The following DHRSX variants were observed in gnomAD, a reference collection of about 807,000 sequenced individuals.
The protein encoded by DHRSX is dehydrogenase/reductase X-linked.
In DHRSX, 31 loss-of-function variants were observed where a neutral mutation model predicts 34.0. The ratio of observed to expected loss-of-function variants is 0.91; its 90% CI spans 0.69 to 1.23. DHRSX has a LOEUF of 1.23. Ranked by LOEUF, DHRSX falls within the 50% of genes most tolerant of loss-of-function variation. DHRSX has a pLI of 0.00. For synonymous variants in DHRSX, 201 were observed against 183.8 expected (o/e 1.09, Z -0.76); for missense variants, 414 against 428.1 (o/e 0.97, Z 0.29).
chrX:2,432,771 G>A (rs960414168), intron 1 of DHRSX, among the ~76,000 whole-genome samples: 1 of 152,248 alleles, frequency 6.6e-6, no homozygotes, highest in Non-Finnish European at 1.5e-5. Context: ...GAAAGAAAAT[G>A]CTTCCTAAAC....
chrX:2,259,315 T>A (rs1172226717), intron 5 of DHRSX, among the ~76,000 whole-genome samples: 1 of 146,760 alleles, frequency 6.8e-6, no homozygotes, highest in Non-Finnish European at 1.5e-5. Flanking sequence ...TAGATATAGA[T>A]ATATAGATAG....
intron 1 of DHRSX, among the ~76,000 whole-genome samples, chrX:2,461,941 G>T (rs1466677242): frequency 6.6e-6 from 1 of 152,088 alleles, no homozygotes; most frequent in African/African-American, 2.4e-5. Flanking sequence ...ACCGGCCTCG[G>T]CCTCCCAAAG....
At chrX:2,441,839 G>A (rs2044066313) in intron 1 of DHRSX, among the ~76,000 whole-genome samples, 1 of 152,186 alleles carries the variant, frequency 6.6e-6, no homozygotes, top group African/African-American at 2.4e-5. Context: ...TTGGGAGGCT[G>A]AGGCAGGTGG....
chrX:2,500,800 T>A lies in DHRSX; in HGVS notation c.109+17A>T, dbSNP rs1371260944. On this transcript the variant is annotated intron_variant, in intron 1 of 6. Coordinates refer to ENST00000334651, the MANE Select transcript of DHRSX (RefSeq NM_145177.3). ...CCCGGGTCCCCGGAGCCCTGACCCC[T>A]GCCCCGCCCCGCTGACCTGGCTCCA... The A allele has an allele frequency of 2.2e-6, 2 of 897,624 alleles. No individual in the cohort carries two copies. The highest frequency in any genetic ancestry group is 2.6e-6 in the Non-Finnish European group (2 of 772,386). 55.6% of individuals were successfully genotyped at this position (897,624 alleles called of 1,614,324 possible). A position where few individuals can be genotyped will look rare whatever the true frequency, so the allele number is the denominator to read the frequency against.
intron 1 of DHRSX, among the ~76,000 whole-genome samples, chrX:2,439,148 CA>C (rs781530860): frequency 1.9e-3 from 200 of 103,944 alleles, no homozygotes; most frequent in Admixed American, 1.9e-3. Flanking sequence ...TTTTTTGTCT[CA>C]AAAAAAAAAA....
chrX:2,500,972 T>C lies in DHRSX; in HGVS notation c.-47A>G. On this transcript the variant is annotated 5_prime_UTR_variant, in exon 1 of 7. Coordinates refer to ENST00000334651, the MANE Select transcript of DHRSX (RefSeq NM_145177.3). ...GCCGCTTCCGCGCCGCCCGCGGGAC[T>C]CTGCGCCCGCCCGCCCGGACGGACG... is the stretch of plus-strand genomic sequence containing the variant. 1 of 961,358 alleles carries C rather than the reference T, an allele frequency of 1.0e-6. No individual in the cohort carries two copies. Among genetic ancestry groups the C allele is most frequent in the Non-Finnish European group, 1.2e-6 (1 of 802,890 alleles). The allele number at this position is 961,358 out of a possible 1,614,324, so 59.6% of individuals were successfully genotyped here.
Position 2,468,265 on chromosome X carries a change from G to A in DHRSX, c.109+32552C>T, listed in dbSNP as rs762255327. On this transcript the variant is annotated intron_variant, in intron 1 of 6. Coordinates refer to ENST00000334651, the MANE Select transcript of DHRSX (RefSeq NM_145177.3). ...GATTCAGACCATTTCTTGGTAGCAA[G>A]GGTGTAGGGGAAGAAGGATGTGGAC... 2.6e-5 allele frequency among the ~76,000 whole-genome samples: 4 copies of A among 152,262 alleles called. No individual in the cohort carries two copies. In the East Asian group the frequency reaches 7.7e-4, roughly 29 times the overall value.
In DHRSX at chrX:2,291,493, A is replaced by C. The variant is rs1378520279; in HGVS notation, c.388+9T>G. On this transcript the variant is annotated intron_variant, in intron 4 of 6. Coordinates refer to ENST00000334651, the MANE Select transcript of DHRSX (RefSeq NM_145177.3). ...ACCCCTGGCTTGCTGCAATTTCACC[A>C]GGACTCACCATTGTTGATCAGGACA... 4 of 1,609,200 alleles carry C rather than the reference A, an allele frequency of 2.5e-6. No individual in the cohort carries two copies.
chrX:2,276,497 C>T (rs775457277), intron 4 of DHRSX, among the ~76,000 whole-genome samples: 74 of 152,278 alleles, frequency 4.9e-4, no homozygotes, highest in Non-Finnish European at 9.3e-4. Context: ...GTAAAATTAT[C>T]GTCCATTGAT....
At chrX:2,334,997 T>C (rs2042536398) in intron 3 of DHRSX, 2 of 151,732 alleles carry the variant, frequency 1.3e-5, no homozygotes, top group Non-Finnish European at 2.9e-5. Flanking sequence ...CTGGCCAACA[T>C]GGTGAAACTC....
intron 6 of DHRSX, among the ~76,000 whole-genome samples, chrX:2,238,607 G>A (rs2016070057): frequency 6.6e-6 from 1 of 150,452 alleles, no homozygotes; most frequent in Non-Finnish European, 1.5e-5. Context: ...TTTTGAGACG[G>A]AGTTTCACTC....
chrX:2,269,253 G>A (rs2041516834), intron 4 of DHRSX, among the ~76,000 whole-genome samples: 1 of 152,058 alleles, frequency 6.6e-6, no homozygotes, highest in South Asian at 2.1e-4. Flanking sequence ...GTATTAGTGT[G>A]TATGTATTTT....
intron 1 of DHRSX, chrX:2,490,840 G>A (rs2045118071): frequency 7.2e-7 from 1 of 1,390,390 alleles, no homozygotes; most frequent in South Asian, 1.4e-5. Flanking sequence ...CTGCCGGGGA[G>A]ACAGACAGGG....
At chrX:2,489,780 G>A (rs757629298) in intron 1 of DHRSX, 9 of 1,613,372 alleles carry the variant, frequency 5.6e-6, no homozygotes, top group East Asian at 2.2e-5. Context: ...TTGCGGCAGC[G>A]CGACAGCAGC....
chrX:2,366,065 C>CAAACCCTTCTCT (rs2042991328), intron 3 of DHRSX, among the ~76,000 whole-genome samples: 1 of 152,188 alleles, frequency 6.6e-6, no homozygotes, highest in Non-Finnish European at 1.5e-5. Context: ...CAATTTATCA[C>CAAACCCTTCTCT]AAACCCTTCT....
chrX:2,236,354 G>C (rs1156260217), intron 6 of DHRSX, among the ~76,000 whole-genome samples: 1 of 152,158 alleles, frequency 6.6e-6, no homozygotes, highest in Admixed American at 6.6e-5. Context: ...CGTGGAGGAG[G>C]AAACAGCCAG....
intron 3 of DHRSX, among the ~76,000 whole-genome samples, chrX:2,312,330 C>T (rs1286200448): frequency 1.3e-5 from 2 of 152,026 alleles, no homozygotes; most frequent in Admixed American, 6.6e-5. Context: ...CAGGGATGTT[C>T]GCTTCCCTAG....
intron 1 of DHRSX, among the ~76,000 whole-genome samples, chrX:2,470,413 AAC>A (rs2044571399): frequency 1.4e-5 from 2 of 147,696 alleles, no homozygotes; most frequent in Non-Finnish European, 1.5e-5. Context: ...ATAAAAAAAA[AAC>A]TGAAAAAATT....
intron 3 of DHRSX, among the ~76,000 whole-genome samples, chrX:2,384,958 T>C (rs1215965101): frequency 2.7e-5 from 4 of 149,908 alleles, no homozygotes; most frequent in African/African-American, 4.9e-5. Context: ...AAAATATATA[T>C]ATATACATTT....
Sources: gnomAD v4.1 joint callset for allele counts (sites outside exome capture counted in the v4.1 genomes callset) on GRCh38, gnomAD v4.1.1 for gene constraint, MANE v1.5 for transcripts, NCBI Gene and HGNC (gene_info 2026-07-23, HGNC 2026-07-21) for gene names.